NR4A2: variants seen among roughly 807,000 people sequenced by gnomAD.
The protein encoded by NR4A2 is NGFI-B/nur77 beta-type transcription factor homolog.
A neutral mutation model predicts 50.5 loss-of-function variants in NR4A2; 1 was observed. The ratio of observed to expected loss-of-function variants is 0.02; its 90% CI spans 0.01 to 0.09. The LOEUF is 0.09. Among genes scored for constraint, NR4A2 ranks in the 10% least tolerant of loss-of-function variants. The pLI is 1.00. For synonymous variants in NR4A2, 328 were observed against 309.4 expected, an observed-to-expected ratio of 1.06 and a Z score of -0.63; for missense variants, 613 against 777.3, an observed-to-expected ratio of 0.79 and a Z score of 2.51.
chr2:156,332,012 G>T, intron 1 of NR4A2: 1 of 167,038 alleles, frequency 6.0e-6, no homozygotes, highest in Non-Finnish European at 1.3e-5. Flanking sequence ...ACAATACCCG[G>T]GAAACATCGC....
Position 156,330,096 on chromosome 2 carries a change from T to A in NR4A2, c.91A>T (p.Ser31Cys). ...SYSYHSSGEY[S>C]SDFLTPEFVK... ...AACTCTGGAGTTAAGAAATCGGAGC[T>A]GTATTCTCCCGAAGAGTGGTAACTG... is the stretch of plus-strand genomic sequence containing the variant. Residue 31 changes from serine (S) to cysteine (C), a missense_variant, in exon 3 of 8, where the codon AGC (serine) becomes TGC (cysteine). Ser to Cys is a moderately radical substitution (Grantham distance 112). Transcript: ENST00000339562. 1 of 1,614,128 alleles carries A rather than the reference T, an allele frequency of 6.2e-7. No individual in the cohort carries two copies. Among genetic ancestry groups the A allele is most frequent in the Non-Finnish European group, 8.5e-7 (1 of 1,180,010 alleles).
chr2:156,325,605 AG>A lies in NR4A2; in HGVS notation c.*138del. 9.1e-7 allele frequency: 1 copy of A among 1,094,910 alleles called. No individual in the cohort carries two copies. Among genetic ancestry groups the A allele is most frequent in the South Asian group, 1.3e-5 (1 of 78,866 alleles). The allele number at this position is 1,094,910 out of a possible 1,614,324, so 67.8% of individuals were successfully genotyped here. A position where few individuals can be genotyped will look rare whatever the true frequency, so the allele number is the denominator to read the frequency against. On this transcript the variant is annotated 3_prime_UTR_variant, in exon 8 of 8. Coordinates refer to ENST00000339562, the MANE Select transcript of NR4A2 (RefSeq NM_006186.4). ...GTTTGTTTGTTTTCTTTAGGGATCA[AG>A]GGGGCTAGGAGGGTTACAGAAATGG...
Position 156,330,020 on chromosome 2 carries a change from G to A in NR4A2, c.167C>T (p.Ser56Phe), listed in dbSNP as rs759765359. 1 of 1,614,230 alleles carries A rather than the reference G, an allele frequency of 6.2e-7. No homozygotes were observed. The highest frequency in any genetic ancestry group is 2.2e-5 in the East Asian group (1 of 44,880). ...CATAAAGGTACTGAAGCTGGGGAGA[G>A]AAGTGGTGGCAGTGATTTCAGTGTT... ...LTNTEITATT[S>F]LPSFSTFMDN... Residue 56 changes from serine (S) to phenylalanine (F), a missense_variant, in exon 3 of 8, where the codon TCT becomes TTT. Ser to Phe is a radical substitution (Grantham distance 155). Coordinates refer to ENST00000339562, the MANE Select transcript of NR4A2 (RefSeq NM_006186.4).
chr2:156,327,866 G>A lies in NR4A2; in HGVS notation c.1143C>T (p.Ser381=). Residue 381 remains serine, a synonymous_variant, in exon 5 of 8, where the codon AGC becomes AGT. Coordinates refer to ENST00000339562, the MANE Select transcript of NR4A2 (RefSeq NM_006186.4). ...AHVDSNPAMT[S]LDYSRFQANP... Reference sequence around the variant, plus strand: ...AGCTTCTTACCCTGGAATAGTCCAGGCTGGTCATAGCCGGGTTGGAGTCGA... The same window carrying A: ...AGCTTCTTACCCTGGAATAGTCCAGACTGGTCATAGCCGGGTTGGAGTCGA... 1 of 1,586,246 alleles carries A rather than the reference G, an allele frequency of 6.3e-7. No homozygotes were observed.
At position 156,325,742 on chromosome 2, in the gene NR4A2, T is replaced by A; in HGVS notation, c.*2A>T. On this transcript the variant is annotated 3_prime_UTR_variant, in exon 8 of 8. Coordinates refer to ENST00000339562, the MANE Select transcript of NR4A2 (RefSeq NM_006186.4). Reference sequence around the variant, plus strand: ...TTCCTTTGAAGTGCTTGGGAGGAGGTCTTAGAAAGGTAAAGTGTCCAGGAA... The same window carrying A: ...TTCCTTTGAAGTGCTTGGGAGGAGGACTTAGAAAGGTAAAGTGTCCAGGAA... 1 of 1,614,000 alleles carries A rather than the reference T, an allele frequency of 6.2e-7. No homozygotes were observed. The highest frequency in any genetic ancestry group is 8.5e-7 in the Non-Finnish European group (1 of 1,180,018).
rs1326224513 is a variant in NR4A2 at position 156,330,178 on chromosome 2, A to G, written c.9T>C (p.Cys3=). Residue 3 remains cysteine (C), a synonymous_variant, in exon 3 of 8, where the codon TGT becomes TGC. Transcript: ENST00000339562. The part of the protein sequence containing the change: MP[C]VQAQYGSSPQ... ...GCGAGGACCCATACTGCGCCTGAAC[A>G]CAAGGCATGGCTGGAAATGAAACAG... is the stretch of plus-strand genomic sequence containing the variant. The G allele has an allele frequency of 8.1e-6, 13 of 1,614,146 alleles. No individual in the cohort carries two copies. Among genetic ancestry groups the G allele is most frequent in the Non-Finnish European group, 1.1e-5 (13 of 1,180,032 alleles).
At chr2:156,331,185 AT>A (rs970411038) in intron 1 of NR4A2, among the ~76,000 whole-genome samples, 5 of 151,508 alleles carry the variant, frequency 3.3e-5, no homozygotes, top group African/African-American at 1.2e-4. Context: ...CTTCTCTTGC[AT>A]TTTTTTTTCT....
chr2:156,326,457 G>T lies in NR4A2; in HGVS notation c.1362-129C>A, dbSNP rs1264941398. 4.2e-6 allele frequency: 4 copies of T among 945,646 alleles called. No individual in the cohort carries two copies. The highest frequency in any genetic ancestry group is 6.7e-6 in the Non-Finnish European group (4 of 598,690). The allele number at this position is 945,646 out of a possible 1,614,324, so 58.6% of individuals were successfully genotyped here. A position where few individuals can be genotyped will look rare whatever the true frequency, so the allele number is the denominator to read the frequency against. On this transcript the variant is annotated intron_variant, in intron 6 of 7. Coordinates refer to ENST00000339562, the MANE Select transcript of NR4A2 (RefSeq NM_006186.4). This position sits in a 1 kb window ranked among gnomAD's most constrained non-coding sequence, Gnocchi z 4.2. ...ATTACTGAAGAGTTAATAAAATGTA[G>T]ACCAGTGGACCTTGAAAGGGTTTAA...
In NR4A2 at chr2:156,330,027, T is replaced by C; in HGVS notation, c.160A>G (p.Thr54Ala). The change falls in exon 3 of 8, where the codon ACC becomes GCC. Residue 54 changes from threonine (T) to alanine (A), a missense_variant. Thr to Ala is a moderately conservative substitution (Grantham distance 58, BLOSUM62 0). Transcript: ENST00000339562. Reference sequence around the variant, plus strand: ...GTACTGAAGCTGGGGAGAGAAGTGGTGGCAGTGATTTCAGTGTTGGTGAGG... The same window carrying C: ...GTACTGAAGCTGGGGAGAGAAGTGGCGGCAGTGATTTCAGTGTTGGTGAGG... ...MDLTNTEITA[T>A]TSLPSFSTFM... The C allele has an allele frequency of 1.2e-6, 2 of 1,614,134 alleles. No individual in the cohort carries two copies. Among genetic ancestry groups the C allele is most frequent in the Non-Finnish European group, 1.7e-6 (2 of 1,180,020 alleles).
chr2:156,328,260 A>G lies in NR4A2; in HGVS notation c.994+144T>C. On this transcript the variant is annotated intron_variant, in intron 4 of 7. Coordinates refer to ENST00000339562, the MANE Select transcript of NR4A2 (RefSeq NM_006186.4). This position sits in a 1 kb window ranked among gnomAD's most constrained non-coding sequence, Gnocchi z 4.9. ...CGGCTTTCTCTAGGGAAGGCCGGGC[A>G]AGCAGGCAGCTGCAGGGTCCTGGAG... The G allele has an allele frequency of 7.2e-7, 1 of 1,386,968 alleles. No homozygotes were observed. Among genetic ancestry groups the G allele is most frequent in the Non-Finnish European group, 1.0e-6 (1 of 983,822 alleles). The allele number at this position is 1,386,968 out of a possible 1,614,324, so 85.9% of individuals were successfully genotyped here. A position where few individuals can be genotyped will look rare whatever the true frequency, so the allele number is the denominator to read the frequency against.
rs539532822 is a variant in NR4A2, at chr2:156,329,630, G to A, written c.557C>T (p.Pro186Leu). The A allele has an allele frequency of 1.9e-6, 3 of 1,613,222 alleles. No individual in the cohort carries two copies. The highest frequency in any genetic ancestry group is 1.1e-5 in the South Asian group (1 of 91,048). ...GAAGCGCATCTGGCAACTAGACACC[G>A]GGGTGCCAGGGGGCGATTGCTTAAA... ...FSFKQSPPGT[P>L]VSSCQMRFDG... is the part of the protein sequence containing the mutation. The change falls in exon 3 of 8, where the codon CCG (proline) becomes CTG (leucine). Residue 186 changes from proline to leucine, a missense_variant. Pro to Leu is a moderately conservative substitution (Grantham distance 98). This residue lies in a region of NR4A2 where 275 missense variants were observed against 248.9 expected (regional missense o/e 1.10). Transcript: ENST00000339562. This position sits in a 1 kb window ranked among gnomAD's most constrained non-coding sequence, Gnocchi z 7.5.
chr2:156,326,586 C>T lies in NR4A2; in HGVS notation c.1361+132G>A. The T allele has an allele frequency of 1.8e-6, 2 of 1,120,750 alleles. No individual in the cohort carries two copies. Among genetic ancestry groups the T allele is most frequent in the Non-Finnish European group, 2.6e-6 (2 of 763,658 alleles). 69.4% of individuals were successfully genotyped at this position (1,120,750 alleles called of 1,614,324 possible). A position where few individuals can be genotyped will look rare whatever the true frequency, so the allele number is the denominator to read the frequency against. ...TTTTTTTGTTTTCTTTCTTTTTCTT[C>T]CTTTCTCCGACTTCCATTTCCTATT... On this transcript the variant is annotated intron_variant, in intron 6 of 7. Transcript: ENST00000339562. This position sits in a 1 kb window ranked among gnomAD's most constrained non-coding sequence, Gnocchi z 4.2.
At chr2:156,327,769 TGA>T in intron 5 of NR4A2, 80 bp downstream of exon 5, 1 of 1,511,668 alleles carries the variant, frequency 6.6e-7, no homozygotes, top group Non-Finnish European at 9.0e-7. Flanking sequence ...CCGTTGAATC[TGA>T]GAGTTAATGA....
chr2:156,330,214 C>A (rs375890139), intron 2 of NR4A2, 26 bp from the exon 3 acceptor site: 1 of 1,613,164 alleles, frequency 6.2e-7, no homozygotes, highest in Non-Finnish European at 8.5e-7. Flanking sequence ...GGTGATAACA[C>A]ACTCAGCCTG....
intron 2 of NR4A2, 75 bp from the exon 3 acceptor site, chr2:156,330,263 G>A: frequency 6.4e-7 from 1 of 1,565,670 alleles, no homozygotes; most frequent in Non-Finnish European, 8.7e-7. Context: ...GGTACACCTG[G>A]AGCTACACCG....
At chr2:156,332,061 C>T (rs1343771520) in intron 1 of NR4A2, 1 of 169,148 alleles carries the variant, frequency 5.9e-6, no homozygotes, top group Non-Finnish European at 1.3e-5. Context: ...CCAAGCAACG[C>T]ATAAACTGAA....
rs546211221 is a variant in NR4A2 at position 156,330,693 on chromosome 2, G to A, written c.-28C>T. On this transcript the variant is annotated 5_prime_UTR_variant, in exon 2 of 8. Transcript: ENST00000339562. ...CTTCAGCCGAGTTACAGGCGTTTTC[G>A]AGGAAATTAAAGGTGGACAGTGTCG... is the stretch of plus-strand genomic sequence containing the variant. 55 of 1,270,056 alleles carry A rather than the reference G, an allele frequency of 4.3e-5. No homozygotes were observed. The South Asian group carries it at 1.4e-3, about 33-fold the overall frequency. 78.7% of individuals were successfully genotyped at this position (1,270,056 alleles called of 1,614,324 possible). A position where few individuals can be genotyped will look rare whatever the true frequency, so the allele number is the denominator to read the frequency against.
At chr2:156,330,870 G>A in intron 1 of NR4A2, 79 bp from the exon 2 acceptor site, 1 of 1,156,832 alleles carries the variant, frequency 8.6e-7, no homozygotes, top group South Asian at 4.3e-5. Context: ...CACCAGGCAG[G>A]CCCTTCCATG....
Position 156,326,475 on chromosome 2 carries a change from G to A in NR4A2, c.1362-147C>T. 1.1e-6 allele frequency: 1 copy of A among 903,386 alleles called. No individual in the cohort carries two copies. The allele number at this position is 903,386 out of a possible 1,614,324, so 56.0% of individuals were successfully genotyped here. On this transcript the variant is annotated intron_variant, in intron 6 of 7. Coordinates refer to ENST00000339562, the MANE Select transcript of NR4A2 (RefSeq NM_006186.4). The surrounding 1 kb of genome is among the most constrained non-coding windows in gnomAD (Gnocchi z 4.2). ...AAATGTAGACCAGTGGACCTTGAAA[G>A]GGTTTAATTTCATAACAATCAAGAA...
Sources: allele counts gnomAD v4.1 joint callset (sites outside exome capture counted in the v4.1 genomes callset), GRCh38; gene constraint gnomAD v4.1.1; regional missense constraint gnomAD v4.1.1; non-coding constraint Gnocchi (gnomAD v3.1); transcripts MANE v1.5; gene names NCBI Gene and HGNC (gene_info 2026-07-23, HGNC 2026-07-21).